PAPPA2: variants seen among roughly 807,000 people sequenced by gnomAD.
PAPPA2 encodes pappalysin-2.
PAPPA2 carries 86 observed loss-of-function variants against 176.4 expected under a neutral mutation model. That is an observed-to-expected ratio of 0.49 (90% confidence interval 0.41 to 0.58). The LOEUF is 0.58. Ranked by LOEUF, PAPPA2 falls within the 20% of genes least tolerant of loss-of-function variation. The pLI is 0.00. For missense variants in PAPPA2, 2,073 were observed against 2,256.9 expected (o/e 0.92, Z 1.65); for synonymous variants, 809 against 852.2 (o/e 0.95, Z 0.88).
intron 15 of PAPPA2, 80 bp downstream of exon 15, chr1:176,765,917 G>A: frequency 6.6e-7 from 1 of 1,510,834 alleles, no homozygotes; most frequent in Non-Finnish European, 8.9e-7. Context: ...GGCTCCACAG[G>A]GAAAGAGCAG....
At chr1:176,697,995 ACACACACAGTTG>A (rs1660464815) in intron 7 of PAPPA2, among the ~76,000 whole-genome samples, 1 of 152,178 alleles carries the variant, frequency 6.6e-6, no homozygotes, top group East Asian at 1.9e-4. Flanking sequence ...AACACACCAC[ACACACACAGTTG>A]CACACACATA....
intron 3 of PAPPA2, among the ~76,000 whole-genome samples, chr1:176,618,422 G>C (rs1247562102): frequency 6.6e-6 from 1 of 152,178 alleles, no homozygotes; most frequent in Non-Finnish European, 1.5e-5. Context: ...AGACTTAATT[G>C]TATTTCAGTC....
intron 1 of PAPPA2, among the ~76,000 whole-genome samples, chr1:176,483,618 C>T (rs867448763): frequency 2.6e-5 from 4 of 152,022 alleles, no homozygotes; most frequent in Middle Eastern, 3.4e-3. Flanking sequence ...ACACATGTGC[C>T]TGCCACCACG....
chr1:176,691,149 T>C, intron 5 of PAPPA2: 1 of 984,748 alleles, frequency 1.0e-6, no homozygotes, highest in Non-Finnish European at 1.2e-6. Context: ...TAGTGACTGG[T>C]TTCCTATAAT....
intron 1 of PAPPA2, among the ~76,000 whole-genome samples, chr1:176,539,394 C>T (rs1650248727): frequency 6.6e-6 from 1 of 152,210 alleles, no homozygotes; most frequent in African/African-American, 2.4e-5. Flanking sequence ...CCACCCTCAG[C>T]AGAGGAAATC....
chr1:176,816,879 T>C (rs1468282500), intron 21 of PAPPA2, among the ~76,000 whole-genome samples: 2 of 152,294 alleles, frequency 1.3e-5, no homozygotes, highest in South Asian at 2.1e-4. Flanking sequence ...TAAATTCTTA[T>C]TTCACCTAAA....
At chr1:176,759,553 T>G (rs1454945755) in intron 14 of PAPPA2, among the ~76,000 whole-genome samples, 1 of 152,168 alleles carries the variant, frequency 6.6e-6, no homozygotes, top group Non-Finnish European at 1.5e-5. Flanking sequence ...TGGAGTTCTT[T>G]CAGGGTGGCT....
intron 11 of PAPPA2, 57 bp from the exon 12 acceptor site, chr1:176,711,778 C>A: frequency 6.5e-7 from 1 of 1,534,920 alleles, no homozygotes; most frequent in Non-Finnish European, 9.0e-7. Flanking sequence ...GTTTCATTGT[C>A]CTTACTTATA....
Position 176,844,698 on chromosome 1 carries a change from T to A in PAPPA2, c.*2244T>A, listed in dbSNP as rs935448514. 1 of 152,140 alleles carries A rather than the reference T, an allele frequency of 6.6e-6. No individual in the cohort carries two copies. The highest frequency in any genetic ancestry group is 6.5e-5 in the Admixed American group (1 of 15,272). 9.4% of individuals were successfully genotyped at this position (152,140 alleles called of 1,614,324 possible). ...TTCAAAATTTTATAAACTTGTTTTA[T>A]TGGGGAAAATGTCCAAATTGCTAGA... On this transcript the variant is annotated 3_prime_UTR_variant, in exon 23 of 23. Transcript: ENST00000367662.
At chr1:176,616,626 G>A in intron 3 of PAPPA2, 1 of 1,569,858 alleles carries the variant, frequency 6.4e-7, no homozygotes, top group Non-Finnish European at 8.7e-7. Context: ...CACAAGAGTA[G>A]TGTCATAAGT....
At chr1:176,601,389 C>T (rs1380141623) in intron 3 of PAPPA2, among the ~76,000 whole-genome samples, 2 of 152,136 alleles carry the variant, frequency 1.3e-5, no homozygotes, top group Non-Finnish European at 2.9e-5. Flanking sequence ...CAGCAAGAAA[C>T]CAGAAATCTA....
At chr1:176,809,994 GTGTGTGT>G (rs778300763) in intron 21 of PAPPA2, among the ~76,000 whole-genome samples, 1 of 132,960 alleles carries the variant, frequency 7.5e-6, no homozygotes, top group Non-Finnish European at 1.7e-5. Context: ...GTGTGTGTGT[GTGTGTGT>G]TACAGTTCTT....
intron 3 of PAPPA2, among the ~76,000 whole-genome samples, chr1:176,657,552 G>A (rs569499682): frequency 2.0e-5 from 3 of 152,128 alleles, no homozygotes; most frequent in African/African-American, 7.2e-5. Flanking sequence ...TTGGATTTAA[G>A]AGATATTTAT....
At chr1:176,589,296 G>A (rs776647560) in intron 2 of PAPPA2, among the ~76,000 whole-genome samples, 53 of 152,268 alleles carry the variant, frequency 3.5e-4, no homozygotes, top group African/African-American at 1.2e-3. Flanking sequence ...ATTAATGATA[G>A]TAGAGAACTG....
At chr1:176,481,531 C>T (rs1652404158) in intron 1 of PAPPA2, among the ~76,000 whole-genome samples, 1 of 152,142 alleles carries the variant, frequency 6.6e-6, no homozygotes, top group South Asian at 2.1e-4. Flanking sequence ...AAGTAGATTT[C>T]CTCAGCTACC....
intron 15 of PAPPA2, among the ~76,000 whole-genome samples, chr1:176,768,884 T>A (rs143421462): frequency 5.1e-4 from 78 of 152,320 alleles, no homozygotes; most frequent in Middle Eastern, 6.8e-3. Flanking sequence ...TTATTTTCAG[T>A]AGCATTATCA....
chr1:176,589,891 T>C (rs1653550663), intron 2 of PAPPA2, among the ~76,000 whole-genome samples: 1 of 152,224 alleles, frequency 6.6e-6, no homozygotes, highest in Admixed American at 6.5e-5. Flanking sequence ...AAATGTGAGA[T>C]TCTGTAATTT....
chr1:176,649,557 A>G (rs1433803311), intron 3 of PAPPA2, among the ~76,000 whole-genome samples: 3 of 151,220 alleles, frequency 2.0e-5, no homozygotes, highest in Non-Finnish European at 3.0e-5. Flanking sequence ...ATTTATTGCT[A>G]TAAACTTCTC....
At chr1:176,467,449 GTCAGCT>G (rs1486428903) in intron 1 of PAPPA2, among the ~76,000 whole-genome samples, 1 of 152,144 alleles carries the variant, frequency 6.6e-6, no homozygotes, top group Non-Finnish European at 1.5e-5. Context: ...CTTGTGGGAG[GTCAGCT>G]TCAGCTTCCC....
Sources: allele counts gnomAD v4.1 joint callset (sites outside exome capture counted in the v4.1 genomes callset), GRCh38; gene constraint gnomAD v4.1.1; transcripts MANE v1.5; gene names NCBI Gene and HGNC (gene_info 2026-07-23, HGNC 2026-07-21).